Variants in PFKFB3 observed in about 807,000 individuals in gnomAD.
PFKFB3 encodes 6-phosphofructo-2-kinase/fructose-2,6-biphosphatase 3, also known as 6-phosphofructo-2-kinase/fructose-2,6-bisphosphatase 3.
Under a neutral mutation model 68.0 loss-of-function variants are expected in PFKFB3, and 33 were observed. The observed-to-expected ratio is 0.49, with a 90% CI of 0.37 to 0.65. The LOEUF (loss-of-function observed/expected upper bound fraction) is 0.65. Among genes scored for constraint, PFKFB3 ranks in the 30% least tolerant of loss-of-function variants. The pLI is 0.00. For missense variants in PFKFB3, 586 were observed against 712.2 expected (o/e 0.82, Z 2.02); for synonymous variants, 315 against 288.2 (o/e 1.09, Z -0.94).
chr10:6,199,658 A>ATTTTTTTTTTTTTTTTTTTTTT (rs143309528), upstream of PFKFB3, among the ~76,000 whole-genome samples: 4 of 75,584 alleles, frequency 5.3e-5, no homozygotes, highest in African/African-American at 1.7e-4. Context: ...CTATTTTTAA[A>ATTTTTTTTTTTTTTTTTTTTTT]TTTTTTTTTT....
At chr10:6,191,521 G>A (rs935726198) in intron 1 of PFKFB3, among the ~76,000 whole-genome samples, 3 of 152,254 alleles carry the variant, frequency 2.0e-5, no homozygotes, top group African/African-American at 7.2e-5. Flanking sequence ...GTGCAGGACA[G>A]TGCATTGTGC....
chr10:6,225,915 C>G (rs1845316999), intron 13 of PFKFB3, among the ~76,000 whole-genome samples: 1 of 152,162 alleles, frequency 6.6e-6, no homozygotes, highest in Non-Finnish European at 1.5e-5. Flanking sequence ...ATCATTCTTT[C>G]CCTCCTTGCT....
At chr10:6,321,059 A>T in the PFKFB3 span, among the ~76,000 whole-genome samples, 1 of 152,186 alleles carries the variant, frequency 6.6e-6, no homozygotes, top group African/African-American at 2.4e-5. Context: ...GAGGAATAGA[A>T]CAGAAGTCAT....
chr10:6,316,266 G>A, the PFKFB3 span, among the ~76,000 whole-genome samples: 4 of 152,104 alleles, frequency 2.6e-5, no homozygotes, highest in African/African-American at 9.7e-5. Flanking sequence ...ATCTGCCTGG[G>A]CTGTTGAGCT....
chr10:6,305,775 A>G, the PFKFB3 span, among the ~76,000 whole-genome samples: 2 of 152,284 alleles, frequency 1.3e-5, no homozygotes, highest in East Asian at 1.9e-4. Context: ...TCTCCAGAGA[A>G]TATCTGCTTC....
At chr10:6,192,879 T>C (rs1269122180) in intron 1 of PFKFB3, among the ~76,000 whole-genome samples, 1 of 152,176 alleles carries the variant, frequency 6.6e-6, no homozygotes, top group Non-Finnish European at 1.5e-5. Context: ...TTTCCAAAAG[T>C]GCTTTTGCTC....
At chr10:6,155,235 C>T (rs1367180157) in intron 1 of PFKFB3, among the ~76,000 whole-genome samples, 3 of 147,648 alleles carry the variant, frequency 2.0e-5, no homozygotes, top group Non-Finnish European at 3.0e-5. Context: ...CGGAGTCCCG[C>T]TCTGTCGCCC....
At chr10:6,250,624 C>G (rs115891869) in intron 14 of PFKFB3, among the ~76,000 whole-genome samples, 2,296 of 151,524 alleles carry the variant, frequency 0.015, 67 homozygotes, top group African/African-American at 0.053. Flanking sequence ...GCCCTGAGGG[C>G]TCCTCCCTTG....
chr10:6,276,895 G>C, the PFKFB3 span, among the ~76,000 whole-genome samples: 1 of 150,912 alleles, frequency 6.6e-6, no homozygotes, highest in Admixed American at 6.6e-5. Context: ...TCACATGTGT[G>C]GATTCTTATA....
At chr10:6,315,159 C>T in the PFKFB3 span, among the ~76,000 whole-genome samples, 3 of 152,198 alleles carry the variant, frequency 2.0e-5, no homozygotes, top group African/African-American at 7.2e-5. Flanking sequence ...TTGACTTTAA[C>T]CCTGGCTCAT....
upstream of PFKFB3, among the ~76,000 whole-genome samples, chr10:6,198,833 C>T (rs1260667941): frequency 5.9e-5 from 9 of 152,228 alleles, no homozygotes. Flanking sequence ...AGAACGGCAT[C>T]ATATTCCATT....
chr10:6,295,119 G>A, the PFKFB3 span, among the ~76,000 whole-genome samples: 1 of 152,114 alleles, frequency 6.6e-6, no homozygotes. Flanking sequence ...TAGCTGTAGT[G>A]TCACAGATTA....
Position 6,215,298 on chromosome 10 carries a change from GA to G in PFKFB3, c.282del (p.Ala95ProfsTer2), listed in dbSNP as rs1188671934. The stretch of plus-strand genomic sequence containing the variant: ...CAACTTCTTCCGCCCCGACAATGAG[GA>G]AGCCATGAAAGTCCGGAAGTAAGGC... ...SYNFFRPDNEEAMKVRKQCAL... is the reference protein window; with the variant it reads ...SYNFFRPDNEXAMKVRKQCAL... On this transcript the variant is annotated frameshift_variant, in exon 3 of 15. Coordinates refer to ENST00000379775, the MANE Select transcript of PFKFB3 (RefSeq NM_004566.4). LOFTEE classifies it high-confidence loss of function. The surrounding 1 kb of genome is among the most constrained non-coding windows in gnomAD (Gnocchi z 4.3). The G allele has an allele frequency of 6.2e-7, 1 of 1,613,708 alleles. No homozygotes were observed. The highest frequency in any genetic ancestry group is 8.5e-7 in the Non-Finnish European group (1 of 1,179,952).
chr10:6,259,085 C>T (rs1475972763), downstream of PFKFB3, among the ~76,000 whole-genome samples: 2 of 152,198 alleles, frequency 1.3e-5, no homozygotes, highest in Non-Finnish European at 2.9e-5. Flanking sequence ...TCCATACACT[C>T]ATCCACCCAC....
the PFKFB3 span, among the ~76,000 whole-genome samples, chr10:6,275,684 G>A: frequency 6.6e-6 from 1 of 152,166 alleles, no homozygotes; most frequent in Admixed American, 6.5e-5. This position sits in a 1 kb window ranked among gnomAD's most constrained non-coding sequence, Gnocchi z 4.9. Flanking sequence ...GTGTAGTGGT[G>A]CGATCTTGGC....
intron 14 of PFKFB3, chr10:6,254,099 T>A (rs77725617): frequency 1.1e-4 from 2 of 17,610 alleles, no homozygotes; most frequent in Non-Finnish European, 1.3e-3. Context: ...TCAGATGGCT[T>A]TTTTTTTTTT....
At chr10:6,205,730 T>C (rs1211334673) in intron 1 of PFKFB3, among the ~76,000 whole-genome samples, 3 of 152,046 alleles carry the variant, frequency 2.0e-5, no homozygotes, top group Non-Finnish European at 4.4e-5. Context: ...TTGCCACCTT[T>C]ATAAGTGGCC....
At chr10:6,237,504 T>C (rs77380731), downstream of PFKFB3, among the ~76,000 whole-genome samples, 3,396 of 152,360 alleles carry the variant, frequency 0.022, 145 homozygotes, top group Admixed American at 0.098. Context: ...TTAAAAATAT[T>C]GTATTAACAA....
chr10:6,312,969 C>G, the PFKFB3 span, among the ~76,000 whole-genome samples: 2 of 152,212 alleles, frequency 1.3e-5, no homozygotes, highest in Non-Finnish European at 2.9e-5. Flanking sequence ...TCCCCTGTGA[C>G]CACCTGGAAT....
Sources: allele counts gnomAD v4.1 joint callset (sites outside exome capture counted in the v4.1 genomes callset), GRCh38; gene constraint gnomAD v4.1.1; non-coding constraint Gnocchi (gnomAD v3.1); transcripts MANE v1.5; gene names NCBI Gene and HGNC (gene_info 2026-07-23, HGNC 2026-07-21).